Variants in MANSC1 observed in about 807,000 individuals in gnomAD.
MANSC1 encodes MANSC domain containing 1, also known as MANSC domain-containing protein 1.
In MANSC1, 13 loss-of-function variants were observed where a neutral mutation model predicts 14.1. The observed-to-expected ratio is 0.92, with a 90% CI of 0.60 to 1.46. The LOEUF is 1.46. MANSC1 is among the 40% of genes most tolerant of loss of function. The probability of loss-of-function intolerance (pLI) is 0.00; values close to 1 mark genes in which losing one functional copy is unlikely to be tolerated. For synonymous variants in MANSC1, 227 were observed against 200.7 expected, an observed-to-expected ratio of 1.13 and a Z score of -1.11; for missense variants, 486 against 511.4, an observed-to-expected ratio of 0.95 and a Z score of 0.48.
intron 1 of MANSC1, among the ~76,000 whole-genome samples, chr12:12,349,053 T>G (rs1565809532): frequency 6.6e-6 from 1 of 152,190 alleles, no homozygotes; most frequent in South Asian, 2.1e-4. Flanking sequence ...GTGCAACAAG[T>G]CATGTGATAT....
Position 12,328,274 on chromosome 12 carries a change from T to C in MANSC1, c.*1753A>G, listed in dbSNP as rs190426960. ...GTGCTAGTTATTATTATTATTATTT[T>C]TGAGACGGAGTCTGGCTCTGTTGCC... On this transcript the variant is annotated 3_prime_UTR_variant, in exon 4 of 4. Coordinates refer to ENST00000535902, the MANE Select transcript of MANSC1 (RefSeq NM_018050.4). 3 of 152,288 alleles carry C rather than the reference T, an allele frequency of 2.0e-5. No homozygotes were observed. Among genetic ancestry groups the C allele is most frequent in the Admixed American group, 2.0e-4 (3 of 15,292 alleles). The allele number at this position is 152,288 out of a possible 1,614,324, so 9.4% of individuals were successfully genotyped here.
intron 1 of MANSC1, 74 bp downstream of exon 1, chr12:12,350,004 G>C (rs992764140): frequency 7.9e-5 from 12 of 152,336 alleles, no homozygotes; most frequent in Non-Finnish European, 1.3e-4. Context: ...TGGAAAGGAG[G>C]GGACCGACTC....
chr12:12,342,816 G>A (rs1862954952), intron 2 of MANSC1, among the ~76,000 whole-genome samples: 1 of 151,862 alleles, frequency 6.6e-6, no homozygotes, highest in African/African-American at 2.4e-5. Context: ...TAGGATTTTT[G>A]TTTTCAATAT....
chr12:12,330,728 T>C lies in MANSC1; in HGVS notation c.595A>G (p.Lys199Glu). ...DEASAQLLAY[K>E]EKGHSQSSQF... Reference sequence around the variant, plus strand: ...GAACTCTGAGAATGGCCTTTTTCCTTATAAGCAAGGAGCTGGGCACTTGCT... The same window carrying C: ...GAACTCTGAGAATGGCCTTTTTCCTCATAAGCAAGGAGCTGGGCACTTGCT... The change falls in exon 4 of 4, where the codon AAG becomes GAG. Residue 199 changes from lysine to glutamate, a missense_variant. Physicochemically the swap from Lys to Glu is moderately conservative, Grantham distance 56. Coordinates refer to ENST00000535902, the MANE Select transcript of MANSC1 (RefSeq NM_018050.4). 6.2e-7 allele frequency: 1 copy of C among 1,614,212 alleles called. No homozygotes were observed. The highest frequency in any genetic ancestry group is 8.5e-7 in the Non-Finnish European group (1 of 1,180,032).
intron 3 of MANSC1, among the ~76,000 whole-genome samples, chr12:12,332,359 A>T (rs1862801125): frequency 6.6e-6 from 1 of 151,472 alleles, no homozygotes; most frequent in Non-Finnish European, 1.5e-5. Flanking sequence ...TCTCGTGACT[A>T]CTCTCTAAGC....
At position 12,330,015 on chromosome 12, in the gene MANSC1, C is replaced by T. The variant is rs752025893; in HGVS notation, c.*12G>A. 12 of 1,604,898 alleles carry T rather than the reference C, an allele frequency of 7.5e-6. No homozygotes were observed. The highest frequency in any genetic ancestry group is 1.7e-4 in the Middle Eastern group (1 of 6,040). ...GGTTACTAAATGAATTAAGAGACAC[C>T]GAGTTCCATCCTTAGATGTCCACAT... On this transcript the variant is annotated 3_prime_UTR_variant, in exon 4 of 4. Coordinates refer to ENST00000535902, the MANE Select transcript of MANSC1 (RefSeq NM_018050.4).
chr12:12,333,059 A>ATATATATATATATATTTT (rs536426090), intron 3 of MANSC1, among the ~76,000 whole-genome samples: 12 of 150,806 alleles, frequency 8.0e-5, no homozygotes, highest in African/African-American at 2.7e-4. Context: ...ATATATATAT[A>ATATATATATATATATTTT]TTTTTGAGAC....
intron 2 of MANSC1, chr12:12,338,889 AAACACAC>A (rs1862896429): frequency 2.5e-5 from 8 of 326,332 alleles, no homozygotes; most frequent in African/African-American, 2.0e-4. Flanking sequence ...ACACACACAC[AAACACAC>A]ACACACACAC....
intron 2 of MANSC1, among the ~76,000 whole-genome samples, chr12:12,339,664 T>G (rs1175254931): frequency 6.6e-6 from 1 of 152,238 alleles, no homozygotes; most frequent in African/African-American, 2.4e-5. Context: ...ACACAGGATC[T>G]GAGTAGTATA....
chr12:12,341,260 A>T (rs149940205), intron 2 of MANSC1, among the ~76,000 whole-genome samples: 2 of 152,340 alleles, frequency 1.3e-5, no homozygotes, highest in Non-Finnish European at 2.9e-5. Context: ...TTACTATTAC[A>T]GTTTATAATA....
intron 2 of MANSC1, 50 bp downstream of exon 2, chr12:12,343,042 G>GA: frequency 7.4e-7 from 1 of 1,350,396 alleles, no homozygotes; most frequent in Non-Finnish European, 1.1e-6. Flanking sequence ...CCCAGCTCCT[G>GA]AAGCCACAAA....
At chr12:12,337,037 A>G (rs1222959743) in intron 3 of MANSC1, among the ~76,000 whole-genome samples, 1 of 152,030 alleles carries the variant, frequency 6.6e-6, no homozygotes, top group Admixed American at 6.5e-5. Context: ...TTGGGAGGCT[A>G]AGGAGGGTGG....
chr12:12,338,358 T>G lies in MANSC1; in HGVS notation c.364+62A>C, dbSNP rs964577833. ...TTATTTAGACTCTTGTAGAAAATCT[T>G]TCACATGAACCAGTCTTAAATTATT... On this transcript the variant is annotated intron_variant, in intron 3 of 3. Transcript: ENST00000535902. 4.1e-5 allele frequency: 58 copies of G among 1,398,740 alleles called. 2 individuals are homozygous for G. The highest frequency in any genetic ancestry group is 3.9e-4 in the South Asian group (25 of 63,906). The allele number at this position is 1,398,740 out of a possible 1,614,324, so 86.6% of individuals were successfully genotyped here. A position where few individuals can be genotyped will look rare whatever the true frequency, so the allele number is the denominator to read the frequency against.
At position 12,328,149 on chromosome 12, in the gene MANSC1, A is replaced by T. The variant is rs1016748993; in HGVS notation, c.*1878T>A. ...TCAAACTGACCCAGGGGACTTCTGG[A>T]CTCTTTGTTACCTCACCTATAACTT... On this transcript the variant is annotated 3_prime_UTR_variant, in exon 4 of 4. Coordinates refer to ENST00000535902, the MANE Select transcript of MANSC1 (RefSeq NM_018050.4). The T allele has an allele frequency of 9.3e-5, 14 of 150,426 alleles. No homozygotes were observed. The highest frequency in any genetic ancestry group is 8.0e-4 in the Admixed American group (12 of 15,068). The allele number at this position is 150,426 out of a possible 1,614,324, so 9.3% of individuals were successfully genotyped here. A position where few individuals can be genotyped will look rare whatever the true frequency, so the allele number is the denominator to read the frequency against.
chr12:12,346,972 T>C lies in MANSC1; in HGVS notation c.-101+3106A>G, dbSNP rs1863017052. Among the ~76,000 whole-genome samples, 3 of 152,168 alleles carry C rather than the reference T, an allele frequency of 2.0e-5. No homozygotes were observed. In the South Asian group the frequency reaches 6.2e-4, roughly 32 times the overall value. ...GGAGGAAATATTTGAGGTGGTTTTTTTTTTTTTGGAGGAAATATTTGTGAA... is the reference window on the plus strand; with the variant it reads ...GGAGGAAATATTTGAGGTGGTTTTTCTTTTTTTGGAGGAAATATTTGTGAA... On this transcript the variant is annotated intron_variant, in intron 1 of 3. Coordinates refer to ENST00000535902, the MANE Select transcript of MANSC1 (RefSeq NM_018050.4).
intron 2 of MANSC1, among the ~76,000 whole-genome samples, chr12:12,342,150 C>T (rs1368768494): frequency 6.6e-6 from 1 of 152,194 alleles, no homozygotes; most frequent in Non-Finnish European, 1.5e-5. Context: ...GCTATGTTGC[C>T]CAGGCTGCTC....
At chr12:12,335,453 G>A (rs1002523901) in intron 3 of MANSC1, among the ~76,000 whole-genome samples, 5 of 151,554 alleles carry the variant, frequency 3.3e-5, no homozygotes, top group South Asian at 2.1e-4. Flanking sequence ...CAATTCTCCC[G>A]CCTCAGCCTC....
chr12:12,335,919 A>G (rs1295341959), intron 3 of MANSC1, among the ~76,000 whole-genome samples: 1 of 151,838 alleles, frequency 6.6e-6, no homozygotes, highest in Non-Finnish European at 1.5e-5. Context: ...ACGGAGGCTC[A>G]TGCCTGTAAT....
At chr12:12,348,701 T>C (rs1336229466) in intron 1 of MANSC1, among the ~76,000 whole-genome samples, 1 of 82,930 alleles carries the variant, frequency 1.2e-5, no homozygotes, top group South Asian at 4.1e-4. Context: ...CTTTTAGTTT[T>C]AAAAAAAGGT....
Sources: allele counts gnomAD v4.1 joint callset (sites outside exome capture counted in the v4.1 genomes callset), GRCh38; gene constraint gnomAD v4.1.1; transcripts MANE v1.5; gene names NCBI Gene and HGNC (gene_info 2026-07-23, HGNC 2026-07-21).